Variants in GRIN2A observed in about 807,000 individuals in gnomAD.
GRIN2A encodes glutamate ionotropic receptor NMDA type subunit 2A.
A neutral mutation model predicts 113.4 loss-of-function variants in GRIN2A; 22 were observed. That is an observed-to-expected ratio of 0.19 (90% CI 0.14 to 0.28). The LOEUF is 0.28. Among genes scored for constraint, GRIN2A ranks in the 10% least tolerant of loss-of-function variants. The pLI, the probability that GRIN2A is intolerant of heterozygous loss-of-function variation, is 1.00. For synonymous variants in GRIN2A, 827 were observed against 738.4 expected (o/e 1.12, Z -1.94); for missense variants, 1,502 against 1,887.0 (o/e 0.80, Z 3.78).
In GRIN2A at chr16:9,763,705, T is replaced by C. The variant is rs1900706163; in HGVS notation, c.3839A>G (p.Gln1280Arg). ...ACGGCTAATCCTTAGCTTGTTCTTT[T>C]GTAATTGAAGGGCATTGTTCTGTGC... ...DWAQNNALQLQKNKLRISRQH... is the reference protein window; with the variant it reads ...DWAQNNALQLRKNKLRISRQH... The change falls in exon 13 of 13, where the codon CAA becomes CGA. Residue 1280 changes from glutamine to arginine, a missense_variant. Physicochemically the swap from Gln to Arg is conservative, Grantham distance 43. This residue lies in a region of GRIN2A where 832 missense variants were observed against 789.7 expected (regional missense o/e 1.05). Transcript: ENST00000330684. 1.2e-6 allele frequency: 2 copies of C among 1,614,086 alleles called. No individual in the cohort carries two copies. The highest frequency in any genetic ancestry group is 1.3e-5 in the African/African-American group (1 of 75,024).
In GRIN2A at chr16:9,902,951, T is replaced by G. The variant is rs2043957259; in HGVS notation, c.1008-11851A>C. Among the ~76,000 whole-genome samples, 3 of 84,658 alleles carry G rather than the reference T, an allele frequency of 3.5e-5. No homozygotes were observed. In the South Asian group the frequency reaches 1.8e-3, roughly 50 times the overall value. The allele number at this position is 84,658 out of a possible 152,430, so 55.5% of individuals were successfully genotyped here. A position where few individuals can be genotyped will look rare whatever the true frequency, so the allele number is the denominator to read the frequency against. Reference sequence around the variant, plus strand: ...CTTCTCTTGGTTCTGTTTTTTTTTTTTTTTTTTTGGCGGGGGGGTGGGGGG... The same window carrying G: ...CTTCTCTTGGTTCTGTTTTTTTTTTGTTTTTTTTGGCGGGGGGGTGGGGGG... On this transcript the variant is annotated intron_variant, in intron 3 of 12. Coordinates refer to ENST00000330684, the MANE Select transcript of GRIN2A (RefSeq NM_001134407.3).
At chr16:10,110,295 C>T (rs1488587830) in intron 2 of GRIN2A, among the ~76,000 whole-genome samples, 5 of 152,068 alleles carry the variant, frequency 3.3e-5, no homozygotes, top group Admixed American at 6.5e-5. Flanking sequence ...GTTAGGGGAA[C>T]GTGGTAATGG....
chr16:9,919,024 T>C (rs2044309380), intron 3 of GRIN2A, among the ~76,000 whole-genome samples: 1 of 151,990 alleles, frequency 6.6e-6, no homozygotes, highest in Non-Finnish European at 1.5e-5. Context: ...AATACAAAAG[T>C]TAGCCAGGCG....
intron 2 of GRIN2A, among the ~76,000 whole-genome samples, chr16:10,133,299 T>C (rs1237064894): frequency 2.0e-5 from 3 of 152,144 alleles, no homozygotes; most frequent in Non-Finnish European, 4.4e-5. Context: ...AGTGTCAAAG[T>C]CCAAAATTTT....
At chr16:10,167,841 G>A (rs1242967433) in intron 2 of GRIN2A, among the ~76,000 whole-genome samples, 2 of 152,182 alleles carry the variant, frequency 1.3e-5, no homozygotes, top group Non-Finnish European at 2.9e-5. Context: ...TCTTTGGGGG[G>A]ATGTGGGGGA....
intron 7 of GRIN2A, among the ~76,000 whole-genome samples, chr16:9,838,516 G>A (rs1391240870): frequency 6.6e-6 from 1 of 152,096 alleles, no homozygotes; most frequent in Non-Finnish European, 1.5e-5. Context: ...TGAAACTGGA[G>A]GCCATCATTC....
intron 12 of GRIN2A, among the ~76,000 whole-genome samples, chr16:9,766,431 G>C (rs1169264738): frequency 6.6e-6 from 1 of 152,174 alleles, no homozygotes; most frequent in Non-Finnish European, 1.5e-5. Flanking sequence ...GCCTACAGTT[G>C]CAAGTTTGAG....
intron 2 of GRIN2A, among the ~76,000 whole-genome samples, chr16:10,124,231 A>AG (rs371753340): frequency 5.3e-5 from 8 of 152,192 alleles, no homozygotes; most frequent in African/African-American, 1.9e-4. Flanking sequence ...AAAAGAGCAC[A>AG]GGTCAGGTGG....
chr16:10,144,879 C>T (rs1323071209), intron 2 of GRIN2A, among the ~76,000 whole-genome samples: 2 of 125,754 alleles, frequency 1.6e-5, no homozygotes, highest in Non-Finnish European at 3.1e-5. Context: ...TGAGATCGTG[C>T]CACTGTACTC....
At chr16:9,883,853 G>A (rs554788860) in intron 4 of GRIN2A, among the ~76,000 whole-genome samples, 1 of 152,186 alleles carries the variant, frequency 6.6e-6, no homozygotes, top group Non-Finnish European at 1.5e-5. Context: ...AAGAAAAACA[G>A]ACCCATCAGA....
At chr16:10,039,448 G>A (rs2141952837) in intron 2 of GRIN2A, among the ~76,000 whole-genome samples, 1 of 152,250 alleles carries the variant, frequency 6.6e-6, no homozygotes, top group African/African-American at 2.4e-5. Flanking sequence ...TTTTTAAACT[G>A]TAAAAGATAG....
chr16:9,838,170 G>C (rs1459964465), intron 7 of GRIN2A, among the ~76,000 whole-genome samples: 1 of 152,096 alleles, frequency 6.6e-6, no homozygotes. Context: ...AAGAGATAAA[G>C]TTATTTTTGT....
chr16:9,963,319 G>C (rs1031625597), intron 2 of GRIN2A, among the ~76,000 whole-genome samples: 1 of 151,946 alleles, frequency 6.6e-6, no homozygotes, highest in Non-Finnish European at 1.5e-5. Context: ...GCATGTGCAG[G>C]TTTGTTACAT....
At chr16:10,105,120 C>T (rs536017127) in intron 2 of GRIN2A, among the ~76,000 whole-genome samples, 2 of 149,888 alleles carry the variant, frequency 1.3e-5, no homozygotes, top group South Asian at 2.2e-4. Context: ...GAGTTCATCC[C>T]GAGTCTTCTC....
intron 2 of GRIN2A, among the ~76,000 whole-genome samples, chr16:10,012,436 C>T (rs1419248926): frequency 6.6e-6 from 1 of 152,178 alleles, no homozygotes; most frequent in Non-Finnish European, 1.5e-5. Flanking sequence ...TCCAGACCAG[C>T]CCTTTAACTC....
chr16:10,022,191 T>G (rs144963907), intron 2 of GRIN2A, among the ~76,000 whole-genome samples: 16 of 151,970 alleles, frequency 1.1e-4, no homozygotes, highest in African/African-American at 3.4e-4. Flanking sequence ...AAATATGTGT[T>G]GAATAAGTGA....
intron 2 of GRIN2A, among the ~76,000 whole-genome samples, chr16:10,176,190 A>G (rs1026379106): frequency 4.6e-5 from 7 of 151,686 alleles, no homozygotes; most frequent in Admixed American, 1.3e-4. Context: ...ATTTTTGTAG[A>G]GATGGGGTTT....
At chr16:9,879,347 C>A (rs2043433456) in intron 4 of GRIN2A, among the ~76,000 whole-genome samples, 1 of 152,092 alleles carries the variant, frequency 6.6e-6, no homozygotes, top group Non-Finnish European at 1.5e-5. Context: ...CATTTACAGG[C>A]ATGGCAAAGC....
intron 2 of GRIN2A, among the ~76,000 whole-genome samples, chr16:10,151,671 A>G (rs1010002317): frequency 1.3e-5 from 2 of 152,186 alleles, no homozygotes; most frequent in Non-Finnish European, 2.9e-5. Context: ...TCTCATTTTT[A>G]TCATAATTAC....
Sources: allele counts gnomAD v4.1 joint callset (sites outside exome capture counted in the v4.1 genomes callset), GRCh38; gene constraint gnomAD v4.1.1; regional missense constraint gnomAD v4.1.1; transcripts MANE v1.5; gene names NCBI Gene and HGNC (gene_info 2026-07-23, HGNC 2026-07-21).